Variants in SAMD7 observed in about 807,000 individuals in gnomAD.
SAMD7 encodes sterile alpha motif domain containing 7, also known as sterile alpha motif domain-containing protein 7.
In SAMD7, 34 loss-of-function variants were observed where a neutral mutation model predicts 36.7. The observed-to-expected ratio is 0.93, with a 90% CI of 0.71 to 1.23. SAMD7 has a LOEUF of 1.23. Ranked by LOEUF, SAMD7 falls within the 50% of genes most tolerant of loss-of-function variation. The probability of loss-of-function intolerance (pLI) is 0.00; values close to 1 mark genes in which losing one functional copy is unlikely to be tolerated. For synonymous variants in SAMD7, 188 were observed against 189.7 expected (o/e 0.99, Z 0.07); for missense variants, 570 against 546.6 (o/e 1.04, Z -0.43).
chr3:169,912,658 T>C (rs557752960), intron 1 of SAMD7, among the ~76,000 whole-genome samples: 14 of 152,206 alleles, frequency 9.2e-5, no homozygotes, highest in Non-Finnish European at 1.2e-4. Context: ...ATAGGTCTAA[T>C]GAAAATGAGC....
At chr3:169,928,380 A>T in intron 6 of SAMD7, 77 bp from the exon 7 acceptor site, 3 of 1,310,326 alleles carry the variant, frequency 2.3e-6, no homozygotes, top group Non-Finnish European at 3.3e-6. Flanking sequence ...CTCTGGGGTG[A>T]TAGAATATAA....
At chr3:169,918,579 T>C (rs1290629745) in intron 2 of SAMD7, among the ~76,000 whole-genome samples, 2 of 152,242 alleles carry the variant, frequency 1.3e-5, no homozygotes, top group East Asian at 3.8e-4. Context: ...TAGTCCTTTT[T>C]TCTGATCACT....
intron 8 of SAMD7, 102 bp downstream of exon 8, chr3:169,936,551 T>G (rs1176407454): frequency 1.5e-6 from 1 of 686,202 alleles, no homozygotes; most frequent in African/African-American, 1.8e-5. Context: ...TTATTTAACT[T>G]CTTTATTGCT....
At chr3:169,913,354 A>G (rs1357973361) in intron 1 of SAMD7, among the ~76,000 whole-genome samples, 2 of 152,224 alleles carry the variant, frequency 1.3e-5, no homozygotes, top group African/African-American at 4.8e-5. Context: ...CAAATATAAT[A>G]AAATTGGCAC....
intron 2 of SAMD7, among the ~76,000 whole-genome samples, chr3:169,917,485 C>T (rs1409424964): frequency 2.0e-5 from 3 of 151,920 alleles, no homozygotes; most frequent in Non-Finnish European, 4.4e-5. Context: ...TACGGGGGCA[C>T]ATGAGATATT....
At chr3:169,937,825 A>G (rs543821472) in intron 8 of SAMD7, among the ~76,000 whole-genome samples, 1 of 152,312 alleles carries the variant, frequency 6.6e-6, no homozygotes, top group South Asian at 2.1e-4. Context: ...ATCTTTCAGA[A>G]ATCATGCATT....
rs780233060 is a variant in SAMD7 at position 169,926,723 on chromosome 3, G to A, written c.461G>A (p.Arg154Lys). Reference protein sequence around the residue: ...MLPAGDLHFHRSTLRNLQGNP... With the variant: ...MLPAGDLHFHKSTLRNLQGNP... ...CCTGCCGGTGACCTGCATTTTCACA[G>A]AAGCACCCTCAGAAACCTTCAGGGA... The change falls in exon 6 of 9, where the codon AGA becomes AAA. Residue 154 changes from arginine (R) to lysine (K), a missense_variant. Physicochemically the swap from Arg to Lys is conservative, Grantham distance 26. Coordinates refer to ENST00000335556, the MANE Select transcript of SAMD7 (RefSeq NM_001304366.2). 6.2e-7 allele frequency: 1 copy of A among 1,613,964 alleles called. No homozygotes were observed. The highest frequency in any genetic ancestry group is 2.2e-5 in the East Asian group (1 of 44,862).
chr3:169,937,113 T>C (rs1713747583), intron 8 of SAMD7, among the ~76,000 whole-genome samples: 1 of 152,200 alleles, frequency 6.6e-6, no homozygotes, highest in Admixed American at 6.5e-5. Flanking sequence ...AACAACTGGC[T>C]TGCAAACTTC....
Position 169,926,709 on chromosome 3 carries a change from C to A in SAMD7, c.447C>A (p.Asp149Glu), listed in dbSNP as rs1232925100. The A allele has an allele frequency of 1.9e-6, 3 of 1,613,960 alleles. No individual in the cohort carries two copies. The highest frequency in any genetic ancestry group is 4.5e-5 in the East Asian group (2 of 44,870). Reference protein sequence around the residue: ...YHGRSMLPAGDLHFHRSTLRN... With the variant: ...YHGRSMLPAGELHFHRSTLRN... Reference sequence around the variant, plus strand: ...GCAGGAGCATGCTCCCTGCCGGTGACCTGCATTTTCACAGAAGCACCCTCA... The same window carrying A: ...GCAGGAGCATGCTCCCTGCCGGTGAACTGCATTTTCACAGAAGCACCCTCA... Residue 149 changes from aspartate to glutamate, a missense_variant, in exon 6 of 9, where the codon GAC becomes GAA. Transcript: ENST00000335556.
At chr3:169,921,088 T>A in intron 3 of SAMD7, 126 bp from the exon 4 acceptor site, 1 of 835,132 alleles carries the variant, frequency 1.2e-6, no homozygotes, top group South Asian at 1.7e-5. Context: ...AGGACTTTTG[T>A]ATTTCATCTT....
At chr3:169,933,235 A>C (rs775570505) in intron 7 of SAMD7, 3 of 555,666 alleles carry the variant, frequency 5.4e-6, no homozygotes, top group African/African-American at 3.8e-5. Context: ...CCCACTTGTA[A>C]CTCTCAATAA....
chr3:169,927,330 A>G (rs1238293195), intron 6 of SAMD7, 149 bp downstream of exon 6: 17 of 600,774 alleles, frequency 2.8e-5, no homozygotes, highest in Non-Finnish European at 7.1e-6. Context: ...AGTCCCGCTC[A>G]GTCGCCCAGG....
intron 7 of SAMD7, among the ~76,000 whole-genome samples, chr3:169,930,582 T>C (rs894364308): frequency 6.9e-5 from 10 of 144,098 alleles, no homozygotes; most frequent in East Asian, 4.0e-4. Context: ...TCTTTTCTTT[T>C]TTTTTTTTTT....
At chr3:169,914,880 A>G (rs1712732855) in intron 1 of SAMD7, among the ~76,000 whole-genome samples, 1 of 152,216 alleles carries the variant, frequency 6.6e-6, no homozygotes, top group Non-Finnish European at 1.5e-5. Flanking sequence ...TGTGCCAATT[A>G]TCTACTGGAA....
chr3:169,917,987 G>A lies in SAMD7; in HGVS notation c.-41-1471G>A, dbSNP rs184017442. Among the ~76,000 whole-genome samples the A allele has an allele frequency of 5.3e-5, 8 of 151,550 alleles. No individual in the cohort carries two copies. In the East Asian group the frequency reaches 1.6e-3, roughly 29 times the overall value. On this transcript the variant is annotated intron_variant, in intron 2 of 8. Coordinates refer to ENST00000335556, the MANE Select transcript of SAMD7 (RefSeq NM_001304366.2). ...GAGTCTCTCTCTGTCACCCAGGCTG[G>A]GGTGCAGTGGCGCCATCTCAGCTCA...
At chr3:169,916,727 T>C (rs1189013798) in intron 2 of SAMD7, among the ~76,000 whole-genome samples, 1 of 152,226 alleles carries the variant, frequency 6.6e-6, no homozygotes, top group Non-Finnish European at 1.5e-5. Context: ...AGTTCAATCT[T>C]CTGCTAGAGA....
chr3:169,917,587 A>G (rs1384424928), intron 2 of SAMD7, among the ~76,000 whole-genome samples: 1 of 151,810 alleles, frequency 6.6e-6, no homozygotes, highest in Non-Finnish European at 1.5e-5. Context: ...ATTACAAACA[A>G]TCCAATTATA....
chr3:169,919,071 G>A (rs546106491), intron 2 of SAMD7, among the ~76,000 whole-genome samples: 72 of 152,246 alleles, frequency 4.7e-4, no homozygotes, highest in African/African-American at 1.6e-3. Context: ...GCTTGAACCC[G>A]GGAGGCGGAG....
At chr3:169,929,627 C>T (rs1290667) in intron 7 of SAMD7, among the ~76,000 whole-genome samples, 16,943 of 152,068 alleles carry the variant, frequency 0.11, 1,159 homozygotes, top group South Asian at 0.14. Flanking sequence ...CAAGTTGCCT[C>T]CCTTCTCTGT....
Sources: allele counts gnomAD v4.1 joint callset (sites outside exome capture counted in the v4.1 genomes callset), GRCh38; gene constraint gnomAD v4.1.1; transcripts MANE v1.5; gene names NCBI Gene and HGNC (gene_info 2026-07-23, HGNC 2026-07-21).